Variants in ANXA8 observed in about 807,000 individuals in gnomAD.
The protein encoded by ANXA8 is annexin A8, also known as VAC-beta.
A neutral mutation model predicts 26.8 loss-of-function variants in ANXA8; 9 were observed. The observed-to-expected ratio is 0.34, with a 90% CI of 0.20 to 0.59. The LOEUF (loss-of-function observed/expected upper bound fraction) is 0.59. Ranked by LOEUF, ANXA8 falls within the 20% of genes least tolerant of loss-of-function variation. ANXA8 has a pLI of 0.84. For synonymous variants in ANXA8, 39 were observed against 94.8 expected, an observed-to-expected ratio of 0.41 and a Z score of 3.42; for missense variants, 83 against 238.5, an observed-to-expected ratio of 0.35 and a Z score of 4.29.
At chr10:47,698,233 A>T in the ANXA8 span, among the ~76,000 whole-genome samples, 4 of 143,628 alleles carry the variant, frequency 2.8e-5, no homozygotes, top group Non-Finnish European at 6.1e-5. Context: ...TCAAGTGGAG[A>T]TGTCATATAA....
At chr10:47,760,532 G>A in the ANXA8 span, among the ~76,000 whole-genome samples, 1 of 146,486 alleles carries the variant, frequency 6.8e-6, no homozygotes, top group Non-Finnish European at 1.5e-5. Context: ...TTAAGACTAT[G>A]TAAAATGGGG....
At chr10:47,621,975 C>T in the ANXA8 span, among the ~76,000 whole-genome samples, 3 of 106,552 alleles carry the variant, frequency 2.8e-5, 1 homozygote, top group African/African-American at 3.8e-5. Context: ...AACAACAAGA[C>T]GTGGGGGAAT....
the ANXA8 span, among the ~76,000 whole-genome samples, chr10:47,695,566 G>A: frequency 4.2e-4 from 63 of 151,798 alleles, no homozygotes; most frequent in African/African-American, 1.4e-3. Flanking sequence ...TTAGGCAGTT[G>A]TAGATAAAAG....
chr10:47,730,835 C>T, the ANXA8 span, among the ~76,000 whole-genome samples: 3 of 148,074 alleles, frequency 2.0e-5, no homozygotes, highest in Non-Finnish European at 3.0e-5. Context: ...CCTAAAAAAC[C>T]GTCAATGTGA....
At chr10:47,969,899 C>T in the ANXA8 span, 1 of 151,222 alleles carries the variant, frequency 6.6e-6, no homozygotes. Flanking sequence ...ACCTTGTCTT[C>T]CAGAAATGTG....
the ANXA8 span, among the ~76,000 whole-genome samples, chr10:47,581,877 T>A: frequency 5.0e-4 from 76 of 150,664 alleles, 3 homozygotes; most frequent in Non-Finnish European, 5.9e-5. Context: ...AGTGCTGGTA[T>A]TACAGGCGTG....
the ANXA8 span, among the ~76,000 whole-genome samples, chr10:47,555,122 G>A: frequency 1.3e-5 from 2 of 151,148 alleles, no homozygotes; most frequent in African/African-American, 2.4e-5. Flanking sequence ...ATGCTCCCTC[G>A]CCTGGCTCCT....
chr10:47,693,456 A>T, the ANXA8 span, among the ~76,000 whole-genome samples: 1 of 151,318 alleles, frequency 6.6e-6, no homozygotes, highest in Non-Finnish European at 1.5e-5. Context: ...CGCGCGGCTA[A>T]TTTTTTTGTA....
chr10:47,498,444 C>T, the ANXA8 span, among the ~76,000 whole-genome samples: 9 of 142,134 alleles, frequency 6.3e-5, no homozygotes, highest in Admixed American at 5.7e-4. Flanking sequence ...GTGTGAATAC[C>T]ACTGCTATAA....
At chr10:47,684,025 T>C in the ANXA8 span, among the ~76,000 whole-genome samples, 1 of 151,996 alleles carries the variant, frequency 6.6e-6, no homozygotes, top group Admixed American at 6.6e-5. Context: ...CATCAGACTC[T>C]GACCACTCTA....
At chr10:47,703,718 A>G in the ANXA8 span, among the ~76,000 whole-genome samples, 53 of 148,282 alleles carry the variant, frequency 3.6e-4, no homozygotes, top group East Asian at 1.4e-3. Flanking sequence ...ATAGTCTCAA[A>G]GTATCTCCCC....
chr10:47,768,892 C>A, the ANXA8 span, among the ~76,000 whole-genome samples: 1 of 150,872 alleles, frequency 6.6e-6, no homozygotes, highest in Non-Finnish European at 1.5e-5. Flanking sequence ...ACATGACACG[C>A]CACTGGTAGT....
At chr10:47,946,936 C>A in the ANXA8 span, among the ~76,000 whole-genome samples, 1 of 150,310 alleles carries the variant, frequency 6.7e-6, no homozygotes, top group African/African-American at 2.5e-5. Flanking sequence ...TGTGATCCAC[C>A]CTCCTCGGCT....
At chr10:47,947,687 T>G in the ANXA8 span, among the ~76,000 whole-genome samples, 1 of 150,736 alleles carries the variant, frequency 6.6e-6, no homozygotes, top group African/African-American at 2.5e-5. Flanking sequence ...TCTTCCATGA[T>G]TTTAAGTTTT....
chr10:47,711,658 A>G, the ANXA8 span, among the ~76,000 whole-genome samples: 1 of 144,050 alleles, frequency 6.9e-6, no homozygotes, highest in Non-Finnish European at 1.5e-5. Context: ...ATTGACCACC[A>G]TAGCCTGGCT....
chr10:47,991,573 G>C, the ANXA8 span: 2 of 1,602,848 alleles, frequency 1.2e-6, no homozygotes, highest in Admixed American at 3.4e-5. Context: ...GCCAAATGTA[G>C]ACTGAGCCAC....
At chr10:47,591,229 G>A in the ANXA8 span, among the ~76,000 whole-genome samples, 7 of 145,292 alleles carry the variant, frequency 4.8e-5, 1 homozygote, top group African/African-American at 2.0e-4. Context: ...GTCACTTCAG[G>A]CCTTCCCACC....
chr10:47,717,561 A>T, the ANXA8 span, among the ~76,000 whole-genome samples: 9 of 128,192 alleles, frequency 7.0e-5, 2 homozygotes, highest in African/African-American at 1.0e-4. Context: ...TCTTACCGCC[A>T]GCAGAATTTC....
the ANXA8 span, among the ~76,000 whole-genome samples, chr10:47,550,085 C>A: frequency 6.6e-6 from 1 of 151,530 alleles, no homozygotes; most frequent in African/African-American, 2.4e-5. Flanking sequence ...CCACTGCATT[C>A]CAGCCTGTGC....
Sources: gnomAD v4.1 joint callset for allele counts (sites outside exome capture counted in the v4.1 genomes callset) on GRCh38, gnomAD v4.1.1 for gene constraint, MANE v1.5 for transcripts, NCBI Gene and HGNC (gene_info 2026-07-23, HGNC 2026-07-21) for gene names.